CSMD1: variants seen among roughly 807,000 people sequenced by gnomAD.
CSMD1 encodes CUB and sushi domain-containing protein 1.
In CSMD1, 213 loss-of-function variants were observed where a neutral mutation model predicts 417.5. The observed-to-expected ratio is 0.51, with a 90% CI of 0.46 to 0.57. The LOEUF (loss-of-function observed/expected upper bound fraction) is 0.57, where lower values mean the gene tolerates loss of function less well. Among genes scored for constraint, CSMD1 ranks in the 20% least tolerant of loss-of-function variants. The probability of loss-of-function intolerance (pLI) is 0.00; values close to 1 mark genes in which losing one functional copy is unlikely to be tolerated. For missense variants in CSMD1, 6,923 were observed against 4,529.7 expected, an observed-to-expected ratio of 1.53 and a Z score of -15.17; for synonymous variants, 2,862 against 1,736.8, an observed-to-expected ratio of 1.65 and a Z score of -16.11.
chr8:3,410,981 C>T (rs950287940), intron 12 of CSMD1, among the ~76,000 whole-genome samples: 4 of 152,074 alleles, frequency 2.6e-5, no homozygotes, highest in Non-Finnish European at 4.4e-5. Flanking sequence ...ATCAGCCCTT[C>T]GAAAAGGAGA....
intron 7 of CSMD1, among the ~76,000 whole-genome samples, chr8:3,632,543 G>C (rs991460356): frequency 6.6e-6 from 1 of 152,042 alleles, no homozygotes; most frequent in Non-Finnish European, 1.5e-5. Flanking sequence ...AGAACAAGTG[G>C]GATGTCTGGC....
At chr8:4,201,749 T>C (rs1225386411) in intron 3 of CSMD1, among the ~76,000 whole-genome samples, 1 of 152,076 alleles carries the variant, frequency 6.6e-6, no homozygotes, top group Non-Finnish European at 1.5e-5. Context: ...ATTGGATACA[T>C]GGACTCTTGA....
chr8:4,383,305 G>C (rs757224311), intron 3 of CSMD1, among the ~76,000 whole-genome samples: 35 of 152,288 alleles, frequency 2.3e-4, no homozygotes, highest in Non-Finnish European at 2.2e-4. Context: ...ATGTTAGGCG[G>C]TGGGCATGGG....
At chr8:4,063,991 G>A (rs1033381830) in intron 3 of CSMD1, among the ~76,000 whole-genome samples, 2 of 152,074 alleles carry the variant, frequency 1.3e-5, no homozygotes, top group Non-Finnish European at 2.9e-5. Flanking sequence ...GGGAAAATGG[G>A]GAAATGAGTG....
chr8:3,686,829 T>C (rs1394656826), intron 7 of CSMD1, among the ~76,000 whole-genome samples: 8 of 152,228 alleles, frequency 5.3e-5, no homozygotes, highest in African/African-American at 1.9e-4. Flanking sequence ...CCAGGCCACA[T>C]GAAATTTGCA....
intron 12 of CSMD1, among the ~76,000 whole-genome samples, chr8:3,452,405 G>A (rs1422355188): frequency 1.3e-5 from 2 of 152,314 alleles, no homozygotes; most frequent in African/African-American, 2.4e-5. Flanking sequence ...AGTTTTGAAA[G>A]GGAATGCTTC....
chr8:4,297,396 T>A (rs1256825349), intron 3 of CSMD1, among the ~76,000 whole-genome samples: 1 of 152,122 alleles, frequency 6.6e-6, no homozygotes, highest in Non-Finnish European at 1.5e-5. Flanking sequence ...GTAATTCATT[T>A]TTATTGACTA....
At chr8:4,323,834 G>T (rs995804138) in intron 3 of CSMD1, among the ~76,000 whole-genome samples, 1 of 152,090 alleles carries the variant, frequency 6.6e-6, no homozygotes, top group Non-Finnish European at 1.5e-5. Flanking sequence ...ACCTCCTCCA[G>T]GTGCCTTGTA....
intron 3 of CSMD1, among the ~76,000 whole-genome samples, chr8:4,395,525 T>A (rs543427243): frequency 1.0e-4 from 15 of 150,378 alleles, no homozygotes; most frequent in Admixed American, 7.9e-4. Flanking sequence ...GTTCCCCACC[T>A]ACTGTTTTTT....
At chr8:4,903,151 G>C (rs529228286) in intron 1 of CSMD1, among the ~76,000 whole-genome samples, 1 of 152,040 alleles carries the variant, frequency 6.6e-6, no homozygotes, top group African/African-American at 2.4e-5. Context: ...ATTTAATCTT[G>C]AACAGTTTGT....
chr8:3,291,376 G>A (rs1023801401), intron 25 of CSMD1, among the ~76,000 whole-genome samples: 4 of 151,978 alleles, frequency 2.6e-5, no homozygotes, highest in African/African-American at 9.7e-5. Flanking sequence ...TTTTTCTTTT[G>A]ATTGGAATAA....
chr8:3,517,959 T>G (rs565832975), intron 10 of CSMD1, among the ~76,000 whole-genome samples: 1 of 152,198 alleles, frequency 6.6e-6, no homozygotes. Context: ...CTTCATGAAT[T>G]ATTAAACCTC....
intron 7 of CSMD1, among the ~76,000 whole-genome samples, chr8:3,619,888 C>G (rs150375821): frequency 7.2e-4 from 110 of 152,156 alleles, no homozygotes; most frequent in African/African-American, 2.6e-3. Flanking sequence ...GATCACTTGA[C>G]GTCAGGAATT....
chr8:4,690,893 T>G (rs529250053), intron 1 of CSMD1, among the ~76,000 whole-genome samples: 1 of 152,324 alleles, frequency 6.6e-6, no homozygotes, highest in South Asian at 2.1e-4. Flanking sequence ...CATGCCCGGC[T>G]AATTTTTCTA....
At chr8:3,318,090 C>T (rs539402559) in intron 23 of CSMD1, among the ~76,000 whole-genome samples, 153 of 152,346 alleles carry the variant, frequency 1.0e-3, no homozygotes, top group Non-Finnish European at 1.9e-3. Flanking sequence ...CGTGACCTAT[C>T]ACATTTGGCC....
intron 1 of CSMD1, among the ~76,000 whole-genome samples, chr8:4,830,048 T>C (rs1399704343): frequency 6.6e-6 from 1 of 152,186 alleles, no homozygotes; most frequent in Admixed American, 6.6e-5. Flanking sequence ...TCACAAGGAC[T>C]TATACCTGTG....
At chr8:3,715,637 G>C (rs1424427171) in intron 6 of CSMD1, among the ~76,000 whole-genome samples, 1 of 152,074 alleles carries the variant, frequency 6.6e-6, no homozygotes, top group East Asian at 1.9e-4. Context: ...CCACCTCCCG[G>C]GTTCAAGTGA....
intron 1 of CSMD1, among the ~76,000 whole-genome samples, chr8:4,833,018 A>T (rs1262056440): frequency 6.6e-6 from 1 of 152,176 alleles, no homozygotes; most frequent in East Asian, 1.9e-4. Context: ...ACCGACCTTC[A>T]TCACTTCAAT....
intron 12 of CSMD1, among the ~76,000 whole-genome samples, chr8:3,455,802 G>C (rs186844046): frequency 3.9e-4 from 59 of 152,312 alleles, no homozygotes; most frequent in African/African-American, 1.4e-3. Flanking sequence ...CAGATCTCAA[G>C]CTGCATGCTG....
Sources: gnomAD v4.1 joint callset for allele counts (sites outside exome capture counted in the v4.1 genomes callset) on GRCh38, gnomAD v4.1.1 for gene constraint, MANE v1.5 for transcripts, NCBI Gene and HGNC (gene_info 2026-07-23, HGNC 2026-07-21) for gene names.